DACH2: variants seen among roughly 807,000 people sequenced by gnomAD.
The protein encoded by DACH2 is dachshund family transcription factor 2.
In DACH2, 17 loss-of-function variants were observed where a neutral mutation model predicts 35.8. The ratio of observed to expected loss-of-function variants is 0.48; its 90% CI spans 0.33 to 0.71. The LOEUF is 0.71. Ranked by LOEUF, DACH2 falls within the 30% of genes least tolerant of loss-of-function variation. The pLI is 0.02. For synonymous variants in DACH2, 195 were observed against 177.3 expected, an observed-to-expected ratio of 1.10 and a Z score of -0.79; for missense variants, 469 against 472.7, an observed-to-expected ratio of 0.99 and a Z score of 0.07.
chrX:86,761,963 A>T (rs906955152), intron 7 of DACH2, among the ~76,000 whole-genome samples: 3 of 110,241 alleles, frequency 2.7e-5, no homozygotes, highest in Non-Finnish European at 3.8e-5. Flanking sequence ...TCAGTTCTTT[A>T]GTCCCTAGGC....
rs1363215134 is a variant in DACH2 at position 86,210,365 on chromosome X, A to T, written c.488+61257A>T. ...AAATGCATGTACTTTTTCATTTAGG[A>T]TGTGTATAATTTTTCTGAGTGTGAT... is the stretch of plus-strand genomic sequence containing the variant. On this transcript the variant is annotated intron_variant, in intron 1 of 11. Transcript: ENST00000373125. Among the ~76,000 whole-genome samples, 14 of 111,363 alleles carry T rather than the reference A, an allele frequency of 1.3e-4. No individual in the cohort carries two copies. In the Admixed American group the frequency reaches 1.3e-3, roughly 11 times the overall value.
chrX:86,183,756 G>C (rs1385698711), intron 1 of DACH2, among the ~76,000 whole-genome samples: 1 of 111,720 alleles, frequency 9.0e-6, no homozygotes, highest in Non-Finnish European at 1.9e-5. Context: ...AATGGTACCA[G>C]CTCCTCTTTG....
intron 1 of DACH2, among the ~76,000 whole-genome samples, chrX:86,203,236 G>C (rs753468515): frequency 9.0e-6 from 1 of 110,893 alleles, no homozygotes; most frequent in African/African-American, 3.3e-5. Flanking sequence ...TAGTAAAAAG[G>C]CTTACTATAC....
intron 4 of DACH2, among the ~76,000 whole-genome samples, chrX:86,653,651 G>A (rs773299988): frequency 6.7e-5 from 7 of 104,453 alleles, no homozygotes; most frequent in Admixed American, 1.1e-4. Flanking sequence ...TAGTTTGGCC[G>A]GATATAAAAT....
rs187275540 is a variant in DACH2, at chrX:86,597,892, C to T, written c.641-53144C>T. ...TTTTCACACTGCTGATAAAGATATACCCAATACTGGGCAATTTACAGAAGA... is the reference window on the plus strand; with the variant it reads ...TTTTCACACTGCTGATAAAGATATATCCAATACTGGGCAATTTACAGAAGA... On this transcript the variant is annotated intron_variant, in intron 3 of 11. Transcript: ENST00000373125. Among the ~76,000 whole-genome samples, 390 of 111,524 alleles carry T rather than the reference C, an allele frequency of 3.5e-3. 2 individuals are homozygous for T. Among genetic ancestry groups the T allele is most frequent in the African/African-American group, 0.012 (372 of 30,627 alleles).
At chrX:86,451,386 C>A (rs2037375096) in intron 2 of DACH2, among the ~76,000 whole-genome samples, 2 of 111,168 alleles carry the variant, frequency 1.8e-5, no homozygotes, top group Admixed American at 9.6e-5. Context: ...CATCTTATTT[C>A]TGAGTTCTCT....
At chrX:86,495,021 G>A (rs1050151253) in intron 2 of DACH2, among the ~76,000 whole-genome samples, 14 of 111,045 alleles carry the variant, frequency 1.3e-4, no homozygotes, top group African/African-American at 4.6e-4. Context: ...AAATATTAAT[G>A]AGATAGTTTG....
intron 1 of DACH2, among the ~76,000 whole-genome samples, chrX:86,335,140 C>T (rs1386199999): frequency 8.9e-6 from 1 of 111,818 alleles, no homozygotes; most frequent in Non-Finnish European, 1.9e-5. Flanking sequence ...GTACCAGTAC[C>T]ATGCTGTTTT....
intron 3 of DACH2, among the ~76,000 whole-genome samples, chrX:86,581,506 C>T (rs1471093531): frequency 9.0e-6 from 1 of 110,903 alleles, no homozygotes; most frequent in Non-Finnish European, 1.9e-5. Context: ...CACCCATAGG[C>T]TCAAAGTAAA....
intron 2 of DACH2, among the ~76,000 whole-genome samples, chrX:86,476,238 T>A (rs747491416): frequency 8.9e-6 from 1 of 111,874 alleles, no homozygotes; most frequent in African/African-American, 3.2e-5. Context: ...CAGAATAGTT[T>A]GAGTAGGATG....
At chrX:86,320,633 TG>T (rs1250487724) in intron 1 of DACH2, among the ~76,000 whole-genome samples, 1 of 112,515 alleles carries the variant, frequency 8.9e-6, no homozygotes, top group Non-Finnish European at 1.9e-5. Flanking sequence ...TAGTGGCCTC[TG>T]GCACCAGCAA....
intron 2 of DACH2, among the ~76,000 whole-genome samples, chrX:86,453,670 A>T (rs904337688): frequency 3.6e-5 from 4 of 110,596 alleles, no homozygotes; most frequent in East Asian, 2.9e-4. Context: ...TGCTTGGTAA[A>T]TTTTTTTATT....
At position 86,318,098 on chromosome X, in the gene DACH2, G is replaced by A. The variant is rs371309852; in HGVS notation, c.489-58726G>A. Among the ~76,000 whole-genome samples the A allele has an allele frequency of 2.0e-4, 22 of 112,312 alleles. No individual in the cohort carries two copies. The East Asian group carries it at 3.7e-3, about 19-fold the overall frequency. On this transcript the variant is annotated intron_variant, in intron 1 of 11. Transcript: ENST00000373125. Reference sequence around the variant, plus strand: ...ATATTGTTATAAGTTGAGAATACTTGCAACCAGTTTCTGAATTCTAGAGGA... The same window carrying A: ...ATATTGTTATAAGTTGAGAATACTTACAACCAGTTTCTGAATTCTAGAGGA...
rs1169913787 is a variant in DACH2, at chrX:86,163,498, T to G, written c.488+14390T>G. ...GGTTTGTAACCTAGGTAAACTCATG[T>G]GACTGGGATTTGTTATACAGATTAT... On this transcript the variant is annotated intron_variant, in intron 1 of 11. Coordinates refer to ENST00000373125, the MANE Select transcript of DACH2 (RefSeq NM_053281.3). 2.7e-5 allele frequency among the ~76,000 whole-genome samples: 3 copies of G among 111,086 alleles called. No homozygotes were observed. The East Asian group carries it at 8.5e-4, about 31-fold the overall frequency.
chrX:86,472,763 T>C (rs2037780701), intron 2 of DACH2, among the ~76,000 whole-genome samples: 2 of 111,874 alleles, frequency 1.8e-5, no homozygotes, highest in Admixed American at 1.9e-4. Context: ...GTAGATTTAA[T>C]AGGGTTTATA....
rs1334423085 is a variant in DACH2 at position 86,781,525 on chromosome X, A to G, written c.1241-31331A>G. On this transcript the variant is annotated intron_variant, in intron 7 of 11. Transcript: ENST00000373125. Reference sequence around the variant, plus strand: ...CAGCGTTCTCCATACTATTAAAAGTAAAATCTTTAGCATTTGGGGGTCTAA... The same window carrying G: ...CAGCGTTCTCCATACTATTAAAAGTGAAATCTTTAGCATTTGGGGGTCTAA... Among the ~76,000 whole-genome samples, 9 of 111,535 alleles carry G rather than the reference A, an allele frequency of 8.1e-5. No individual in the cohort carries two copies. In the Admixed American group the frequency reaches 8.6e-4, roughly 11 times the overall value.
chrX:86,240,901 C>T (rs2033153815), intron 1 of DACH2, among the ~76,000 whole-genome samples: 1 of 111,555 alleles, frequency 9.0e-6, no homozygotes, highest in Admixed American at 9.6e-5. Context: ...TACATGCTTC[C>T]CCTTTGCCTT....
chrX:86,149,567 G>C (rs768892303), intron 1 of DACH2, among the ~76,000 whole-genome samples: 64 of 111,890 alleles, frequency 5.7e-4, no homozygotes, highest in Non-Finnish European at 1.0e-3. Flanking sequence ...CACAGCATTT[G>C]GGGCATGCAG....
chrX:86,278,770 C>T (rs1267552080), intron 1 of DACH2, among the ~76,000 whole-genome samples: 3 of 111,684 alleles, frequency 2.7e-5, no homozygotes, highest in Non-Finnish European at 5.6e-5. Flanking sequence ...CCCCATGGAG[C>T]CCAGCAAGCT....
Sources: allele counts gnomAD v4.1 joint callset (sites outside exome capture counted in the v4.1 genomes callset), GRCh38; gene constraint gnomAD v4.1.1; transcripts MANE v1.5; gene names NCBI Gene and HGNC (gene_info 2026-07-23, HGNC 2026-07-21).